SIDT1: variants seen among roughly 807,000 people sequenced by gnomAD.
SIDT1 encodes SID1 transmembrane family member 1, also known as SID1 transmembrane family, member 1.
In SIDT1, 101 loss-of-function variants were observed where a neutral mutation model predicts 107.5. The observed-to-expected ratio is 0.94, with a 90% CI of 0.80 to 1.11. The LOEUF is 1.11. Among genes scored for constraint, SIDT1 ranks in the 50% least tolerant of loss-of-function variants. SIDT1 has a pLI of 0.00. For missense variants in SIDT1, 1,076 were observed against 1,058.2 expected (o/e 1.02, Z -0.23); for synonymous variants, 395 against 398.2 (o/e 0.99, Z 0.10).
intron 3 of SIDT1, among the ~76,000 whole-genome samples, chr3:113,573,202 AG>A (rs1451563601): frequency 1.3e-5 from 2 of 152,222 alleles, no homozygotes; most frequent in African/African-American, 4.8e-5. Flanking sequence ...ATAGTAGGTC[AG>A]GATCAGGGAA....
chr3:113,602,842 T>G, intron 11 of SIDT1, 163 bp from the exon 12 acceptor site: 1 of 597,524 alleles, frequency 1.7e-6, no homozygotes, highest in Non-Finnish European at 2.7e-6. Flanking sequence ...TAAAAGTCCA[T>G]TGAGAAGGAA....
In SIDT1 at chr3:113,603,088, G is replaced by C. The variant is rs377190997; in HGVS notation, c.1201G>C (p.Glu401Gln). ...PGQSDTDSSV[E>Q]ESDFDTMPDI... Reference sequence around the variant, plus strand: ...CCAGTCAGACACAGACAGCTCCGTGGAGGAGAGCGACTTCGACACCATGCC... The same window carrying C: ...CCAGTCAGACACAGACAGCTCCGTGCAGGAGAGCGACTTCGACACCATGCC... The change falls in exon 12 of 25, where the codon GAG becomes CAG. Residue 401 changes from glutamate (E) to glutamine (Q), a missense_variant. By Grantham distance (29) the Glu-to-Gln change is conservative. Coordinates refer to ENST00000264852, the MANE Select transcript of SIDT1 (RefSeq NM_017699.3). 132 of 1,614,034 alleles carry C rather than the reference G, an allele frequency of 8.2e-5. No individual in the cohort carries two copies. Among genetic ancestry groups the C allele is most frequent in the Admixed American group, 3.0e-4 (18 of 59,994 alleles).
chr3:113,534,614 G>A lies in SIDT1; in HGVS notation c.222+1371G>A, dbSNP rs148777261. ...TCTATCTAGCGTGGGAGAACTCATC[G>A]ACTGGTTGACATGTTGCACGTGAGG... is the stretch of plus-strand genomic sequence containing the variant. On this transcript the variant is annotated intron_variant, in intron 1 of 24. Transcript: ENST00000264852. 1.3e-3 allele frequency among the ~76,000 whole-genome samples: 194 copies of A among 152,258 alleles called. 1 individual carries two copies. The highest frequency in any genetic ancestry group is 4.2e-3 in the African/African-American group (173 of 41,550).
chr3:113,540,867 T>C (rs1402443332), intron 1 of SIDT1, among the ~76,000 whole-genome samples: 2 of 152,172 alleles, frequency 1.3e-5, no homozygotes, highest in Non-Finnish European at 2.9e-5. Flanking sequence ...TGTCTATTCA[T>C]CCTCAGTGAT....
chr3:113,568,862 G>A (rs927812560), intron 3 of SIDT1, among the ~76,000 whole-genome samples: 7 of 152,002 alleles, frequency 4.6e-5, no homozygotes, highest in East Asian at 1.9e-4. Flanking sequence ...GGCCAGGTGC[G>A]GTGGCTCACG....
chr3:113,594,844 G>T (rs1175507156), intron 10 of SIDT1: 6 of 154,290 alleles, frequency 3.9e-5, no homozygotes, highest in Non-Finnish European at 8.8e-5. Flanking sequence ...AGAGCCAAAA[G>T]ATGTACTTCA....
At position 113,538,755 on chromosome 3, in the gene SIDT1, A is replaced by G. The variant is rs80180436; in HGVS notation, c.222+5512A>G. Among the ~76,000 whole-genome samples, 706 of 152,326 alleles carry G rather than the reference A, an allele frequency of 4.6e-3. 5 individuals are homozygous for G. The highest frequency in any genetic ancestry group is 0.016 in the African/African-American group (676 of 41,570). ...CCTCCACATAGCTTTGTTGGAGGAAATGAGATTTGAGAAGGTTATGATAGG... is the reference window on the plus strand; with the variant it reads ...CCTCCACATAGCTTTGTTGGAGGAAGTGAGATTTGAGAAGGTTATGATAGG... On this transcript the variant is annotated intron_variant, in intron 1 of 24. Transcript: ENST00000264852.
intron 16 of SIDT1, 51 bp downstream of exon 16, chr3:113,608,268 T>C: frequency 6.4e-7 from 1 of 1,555,346 alleles, no homozygotes; most frequent in Non-Finnish European, 8.7e-7. Context: ...CCAAACAGGA[T>C]CTGCAAAGGG....
chr3:113,585,179 T>A lies in SIDT1; in HGVS notation c.910T>A (p.Ser304Thr). 3 of 1,611,840 alleles carry A rather than the reference T, an allele frequency of 1.9e-6. No homozygotes were observed. Among genetic ancestry groups the A allele is most frequent in the African/African-American group, 1.3e-5 (1 of 74,980 alleles). Residue 304 changes from serine (S) to threonine (T), a missense_variant and splice_region_variant, in exon 9 of 25, where the codon TCT (serine) becomes ACT (threonine). Ser to Thr is a moderately conservative substitution (Grantham distance 58). Coordinates refer to ENST00000264852, the MANE Select transcript of SIDT1 (RefSeq NM_017699.3). ...CAAAGTTGTTTCTCTCCCTTCAGAA[T>A]CTGTTTATGTGAAATCCAGTCTTTT... is the stretch of plus-strand genomic sequence containing the variant. ...EVTIVPSIKE[S>T]VYVKSSLFSV...
At chr3:113,551,260 A>C (rs961981099) in intron 1 of SIDT1, among the ~76,000 whole-genome samples, 4 of 152,182 alleles carry the variant, frequency 2.6e-5, no homozygotes, top group Admixed American at 2.6e-4. Context: ...AATGATTTAC[A>C]TTCCTTTGGG....
intron 3 of SIDT1, among the ~76,000 whole-genome samples, chr3:113,572,996 C>CCTTTTTTT (rs779118899): frequency 8.9e-5 from 13 of 145,574 alleles, no homozygotes; most frequent in Non-Finnish European, 9.1e-5. Context: ...ATTTACATTC[C>CCTTTTTTT]TTTTTTTTTT....
At chr3:113,581,226 A>G (rs1030392178) in intron 5 of SIDT1, 135 bp from the exon 6 acceptor site, 3 of 698,194 alleles carry the variant, frequency 4.3e-6, no homozygotes, top group Admixed American at 2.1e-5. Flanking sequence ...CAAGGGGGGA[A>G]ATTGCCTAGT....
At position 113,623,678 on chromosome 3, in the gene SIDT1, C is replaced by T. The variant is rs764139245; in HGVS notation, c.2252C>T (p.Ala751Val). Residue 751 changes from alanine to valine, a missense_variant, in exon 23 of 25, where the codon GCT (alanine) becomes GTT (valine). Transcript: ENST00000264852. ...CCGCTCTTCTGCATCGTGGCCACCG[C>T]TGTGATGTGGGCTGCCGCCCTATAT... is the stretch of plus-strand genomic sequence containing the variant. The part of the protein sequence containing the change: ...PVPLFCIVAT[A>V]VMWAAALYFF... 2 of 1,614,088 alleles carry T rather than the reference C, an allele frequency of 1.2e-6. No homozygotes were observed. The highest frequency in any genetic ancestry group is 1.7e-6 in the Non-Finnish European group (2 of 1,180,048).
intron 23 of SIDT1, 96 bp from the exon 24 acceptor site, chr3:113,626,006 A>G: frequency 1.2e-6 from 1 of 814,630 alleles, no homozygotes; most frequent in Non-Finnish European, 2.1e-6. Flanking sequence ...TTCGAACCAG[A>G]CATCTAGTAG....
intron 3 of SIDT1, among the ~76,000 whole-genome samples, chr3:113,573,539 G>C (rs775279077): frequency 6.6e-6 from 1 of 152,154 alleles, no homozygotes; most frequent in Non-Finnish European, 1.5e-5. Flanking sequence ...TGGATTTAGC[G>C]ATTAGATAGT....
At chr3:113,564,688 G>A (rs1941740538) in intron 1 of SIDT1, among the ~76,000 whole-genome samples, 1 of 152,206 alleles carries the variant, frequency 6.6e-6, no homozygotes, top group African/African-American at 2.4e-5. Context: ...CAACATTCAA[G>A]GGAATTCAGA....
rs769190228 is a variant in SIDT1, at chr3:113,603,941, T to C, written c.1264-19T>C. 1 of 1,600,806 alleles carries C rather than the reference T, an allele frequency of 6.2e-7. No homozygotes were observed. The highest frequency in any genetic ancestry group is 8.6e-7 in the Non-Finnish European group (1 of 1,169,312). On this transcript the variant is annotated intron_variant, in intron 12 of 24. Coordinates refer to ENST00000264852, the MANE Select transcript of SIDT1 (RefSeq NM_017699.3). ...GAGCTGAGTACAGTTTTGCATTCTC[T>C]TTTTATTTGGCATTCCAGATGTTCC... is the stretch of plus-strand genomic sequence containing the variant.
At chr3:113,565,103 T>A (rs2107335268) in intron 1 of SIDT1, among the ~76,000 whole-genome samples, 1 of 152,298 alleles carries the variant, frequency 6.6e-6, no homozygotes. Flanking sequence ...AATAAAGAAG[T>A]TTTCAAGAGA....
At chr3:113,626,967 T>A (rs1349930676) in intron 24 of SIDT1, among the ~76,000 whole-genome samples, 2 of 152,164 alleles carry the variant, frequency 1.3e-5, no homozygotes, top group African/African-American at 4.8e-5. Flanking sequence ...TATCCTCTAG[T>A]GGCCAGTTTG....
Sources: gnomAD v4.1 joint callset for allele counts (sites outside exome capture counted in the v4.1 genomes callset) on GRCh38, gnomAD v4.1.1 for gene constraint, MANE v1.5 for transcripts, NCBI Gene and HGNC (gene_info 2026-07-23, HGNC 2026-07-21) for gene names.